Variants in SUCLA2 observed in about 807,000 individuals in gnomAD.
The protein encoded by SUCLA2 is succinate--CoA ligase [ADP-forming] subunit beta, mitochondrial.
A neutral mutation model predicts 54.8 loss-of-function variants in SUCLA2; 30 were observed. That is an observed-to-expected ratio of 0.55 (90% CI 0.41 to 0.74). The LOEUF is 0.74. SUCLA2 is among the 30% of genes least tolerant of loss of function. The probability of loss-of-function intolerance (pLI) is 0.00; values close to 1 mark genes in which losing one functional copy is unlikely to be tolerated. For missense variants in SUCLA2, 476 were observed against 562.9 expected (o/e 0.85, Z 1.56); for synonymous variants, 172 against 188.9 (o/e 0.91, Z 0.74).
At chr13:47,960,677 A>G (rs1949863493) in intron 6 of SUCLA2, among the ~76,000 whole-genome samples, 1 of 152,114 alleles carries the variant, frequency 6.6e-6, no homozygotes, top group South Asian at 2.1e-4. Context: ...TATTAAAATT[A>G]AGTGACATTC....
chr13:47,990,957 AAG>A lies in SUCLA2; in HGVS notation c.272-1978_272-1977del, dbSNP rs151241930. 6.0e-3 allele frequency among the ~76,000 whole-genome samples: 917 copies of A among 152,356 alleles called. 6 individuals carry two copies. Among genetic ancestry groups the A allele is most frequent in the African/African-American group, 0.019 (807 of 41,578 alleles). On this transcript the variant is annotated intron_variant, in intron 2 of 10. Coordinates refer to ENST00000646932, the MANE Select transcript of SUCLA2 (RefSeq NM_003850.3). ...ATGATGACCCTATGCGTAGTCAGCC[AAG>A]AGAGTGTTTAAAAAACTTGTCTTTC...
chr13:47,990,707 T>C (rs1421504707), intron 2 of SUCLA2, among the ~76,000 whole-genome samples: 1 of 152,132 alleles, frequency 6.6e-6, no homozygotes, highest in African/African-American at 2.4e-5. Flanking sequence ...CAGACTGAAG[T>C]AGAGTCCTCT....
At position 47,967,310 on chromosome 13, in the gene SUCLA2, T is replaced by G. The variant is rs1411795803; in HGVS notation, c.802+1285A>C. ...GAAAGCTTAAAAAAAGAAAATAAAG[T>G]TCTCACTGCAGAACCTTTACTTTAG... On this transcript the variant is annotated intron_variant, in intron 6 of 10. Transcript: ENST00000646932. Among the ~76,000 whole-genome samples, 4 of 152,166 alleles carry G rather than the reference T, an allele frequency of 2.6e-5. No individual in the cohort carries two copies. The East Asian group carries it at 7.7e-4, about 29-fold the overall frequency.
intron 5 of SUCLA2, 71 bp from the exon 6 acceptor site, chr13:47,968,804 C>A (rs150772637): frequency 2.0e-6 from 3 of 1,525,074 alleles, no homozygotes; most frequent in South Asian, 2.4e-5. Flanking sequence ...AAATAAAAAG[C>A]CTTGTAGTTT....
intron 4 of SUCLA2, among the ~76,000 whole-genome samples, chr13:47,983,030 G>GT (rs1950071670): frequency 6.6e-6 from 1 of 152,124 alleles, no homozygotes; most frequent in Admixed American, 6.5e-5. Context: ...GGTGTCTAAA[G>GT]TAAGGGCAAT....
Position 48,000,137 on chromosome 13 carries a change from G to GGAAAA in SUCLA2, c.90+1042_90+1043insTTTTC, listed in dbSNP as rs775760737. 3.6e-3 allele frequency among the ~76,000 whole-genome samples: 339 copies of GGAAAA among 94,210 alleles called. 1 individual carries two copies. Among genetic ancestry groups the GGAAAA allele is most frequent in the African/African-American group, 0.012 (320 of 25,770 alleles). 61.8% of individuals were successfully genotyped at this position (94,210 alleles called of 152,430 possible). A position where few individuals can be genotyped will look rare whatever the true frequency, so the allele number is the denominator to read the frequency against. The stretch of plus-strand genomic sequence containing the variant: ...AAGTATGAACAACTTCAATAAAAAT[G>GGAAAA]AAAAAAAAAAAAAAAGGTAGGGGCG... On this transcript the variant is annotated intron_variant, in intron 1 of 10. Transcript: ENST00000646932.
At chr13:47,965,616 AAT>A in intron 6 of SUCLA2, 1 of 398,554 alleles carries the variant, frequency 2.5e-6, no homozygotes, top group Non-Finnish European at 4.4e-6. Flanking sequence ...GTGACAACTC[AAT>A]TCAATGTGTG....
rs113994161 is a variant in SUCLA2 at position 47,988,540 on chromosome 13, C to T, written c.534+1G>A. The T allele has an allele frequency of 5.6e-6, 9 of 1,613,678 alleles. No individual in the cohort carries two copies. The highest frequency in any genetic ancestry group is 7.6e-6 in the Non-Finnish European group (9 of 1,179,894). On this transcript the variant is annotated splice_donor_variant, in intron 4 of 10. Coordinates refer to ENST00000646932, the MANE Select transcript of SUCLA2 (RefSeq NM_003850.3). LOFTEE classifies it high-confidence loss of function. ...TATGTATCATGTCTACAATTACTCACTTGAAATGACCTTTCCATTGTTATT... is the reference window on the plus strand; with the variant it reads ...TATGTATCATGTCTACAATTACTCATTTGAAATGACCTTTCCATTGTTATT...
intron 2 of SUCLA2, among the ~76,000 whole-genome samples, chr13:47,992,241 T>C (rs2137747719): frequency 6.6e-6 from 1 of 152,252 alleles, no homozygotes; most frequent in South Asian, 2.1e-4. Flanking sequence ...GAAGCTCTAT[T>C]TTTTCAAAAA....
intron 2 of SUCLA2, among the ~76,000 whole-genome samples, chr13:47,996,154 T>A (rs1477189075): frequency 6.6e-6 from 1 of 151,786 alleles, no homozygotes; most frequent in Non-Finnish European, 1.5e-5. Context: ...AAAACCCGTC[T>A]CTACTAAAAA....
intron 6 of SUCLA2, among the ~76,000 whole-genome samples, chr13:47,962,330 T>C (rs1053058334): frequency 2.0e-5 from 3 of 152,220 alleles, no homozygotes; most frequent in African/African-American, 4.8e-5. Flanking sequence ...TATTTGCATA[T>C]ATTTAATAAA....
chr13:47,983,150 G>A (rs1466938286), intron 4 of SUCLA2, among the ~76,000 whole-genome samples: 3 of 152,122 alleles, frequency 2.0e-5, no homozygotes, highest in African/African-American at 7.2e-5. Flanking sequence ...AAAGAATTCA[G>A]AGCCTTCTGA....
chr13:47,979,900 A>G (rs573004132), intron 4 of SUCLA2, among the ~76,000 whole-genome samples: 75 of 152,258 alleles, frequency 4.9e-4, no homozygotes, highest in Non-Finnish European at 9.7e-4. Flanking sequence ...ACACACAAAA[A>G]AAACTCTTAG....
At chr13:47,993,759 C>A (rs4942736) in intron 2 of SUCLA2, among the ~76,000 whole-genome samples, 18,858 of 152,262 alleles carry the variant, frequency 0.12, 1,516 homozygotes, top group East Asian at 0.21. Context: ...AAGGCCAGGC[C>A]TGGTGGCTCA....
At chr13:47,991,647 G>A (rs192159526) in intron 2 of SUCLA2, 64 of 152,258 alleles carry the variant, frequency 4.2e-4, no homozygotes, top group African/African-American at 1.5e-3. Context: ...GTTAACAAGC[G>A]TCTGGGAGAG....
intron 6 of SUCLA2, among the ~76,000 whole-genome samples, chr13:47,959,130 C>A (rs1489153982): frequency 6.6e-6 from 1 of 152,016 alleles, no homozygotes; most frequent in East Asian, 1.9e-4. Context: ...AGATATAATT[C>A]TGTTTAAAAA....
intron 5 of SUCLA2, among the ~76,000 whole-genome samples, chr13:47,970,516 C>G (rs1419038011): frequency 6.6e-6 from 1 of 152,176 alleles, no homozygotes. Flanking sequence ...AATCAATTTG[C>G]TTTATTCTCC....
intron 4 of SUCLA2, among the ~76,000 whole-genome samples, chr13:47,985,108 G>GA (rs1950091068): frequency 6.6e-6 from 1 of 152,152 alleles, no homozygotes; most frequent in Non-Finnish European, 1.5e-5. Flanking sequence ...TTACCTCCCG[G>GA]AATCAGGATG....
intron 2 of SUCLA2, chr13:47,991,693 A>C (rs1190169394): frequency 1.3e-5 from 2 of 152,256 alleles, no homozygotes; most frequent in African/African-American, 2.4e-5. Flanking sequence ...ATGTTGAAAA[A>C]AAGGAACATT....
Sources: gnomAD v4.1 joint callset for allele counts (sites outside exome capture counted in the v4.1 genomes callset) on GRCh38, gnomAD v4.1.1 for gene constraint, MANE v1.5 for transcripts, NCBI Gene and HGNC (gene_info 2026-07-23, HGNC 2026-07-21) for gene names.